The following MAU2 variants were observed in gnomAD, a reference collection of about 807,000 sequenced individuals.
MAU2 encodes MAU2 chromatid cohesion factor homolog.
In MAU2, 9 loss-of-function variants were observed where a neutral mutation model predicts 89.1. The ratio of observed to expected loss-of-function variants is 0.10; its 90% CI spans 0.06 to 0.18. The LOEUF (loss-of-function observed/expected upper bound fraction) is 0.18. Ranked by LOEUF, MAU2 falls within the 10% of genes least tolerant of loss-of-function variation. MAU2 has a pLI of 1.00. For synonymous variants in MAU2, 357 were observed against 343.4 expected (o/e 1.04, Z -0.44); for missense variants, 425 against 803.5 (o/e 0.53, Z 5.69).
chr19:19,333,077 C>CAA (rs201542665), intron 1 of MAU2, among the ~76,000 whole-genome samples: 2 of 137,010 alleles, frequency 1.5e-5, no homozygotes, highest in South Asian at 4.5e-4. Flanking sequence ...AACTCCATCT[C>CAA]AAAAAAAAAA....
chr19:19,327,986 C>G (rs567099555), intron 1 of MAU2, among the ~76,000 whole-genome samples: 2 of 152,020 alleles, frequency 1.3e-5, no homozygotes, highest in African/African-American at 4.8e-5. Flanking sequence ...GGGCACTACC[C>G]TGTCTCTACA....
chr19:19,339,806 A>G (rs961387255), intron 5 of MAU2: 5 of 149,918 alleles, frequency 3.3e-5, no homozygotes, highest in African/African-American at 9.8e-5. Context: ...GGTGGATCAC[A>G]TGAGGTCAGG....
chr19:19,351,637 G>A (rs926967617), intron 16 of MAU2, among the ~76,000 whole-genome samples: 4 of 151,464 alleles, frequency 2.6e-5, no homozygotes, highest in Admixed American at 1.3e-4. Context: ...CTGTGATCAT[G>A]TTACTGCACT....
rs747557640 is a variant in MAU2, at chr19:19,355,865, C to T, written c.*83C>T. On this transcript the variant is annotated 3_prime_UTR_variant, in exon 19 of 19. Transcript: ENST00000262815. ...ACGGCACTCAAGCCTGCCCCCGAGG[C>T]GTGCTTCCTTCCTGATTGTCTCTAG... 2.7e-5 allele frequency: 34 copies of T among 1,279,884 alleles called. No homozygotes were observed. Among genetic ancestry groups the T allele is most frequent in the Non-Finnish European group, 3.5e-5 (31 of 890,008 alleles). 79.3% of individuals were successfully genotyped at this position (1,279,884 alleles called of 1,614,324 possible).
At chr19:19,347,899 C>G (rs149616848) in intron 13 of MAU2, 1 of 152,800 alleles carries the variant, frequency 6.5e-6, no homozygotes, top group African/African-American at 2.4e-5. Context: ...CTGGGATCCC[C>G]CTCAGCCCCG....
intron 4 of MAU2, among the ~76,000 whole-genome samples, chr19:19,337,938 C>T (rs1163644522): frequency 1.3e-5 from 2 of 152,214 alleles, no homozygotes; most frequent in Admixed American, 1.3e-4. Flanking sequence ...CCACGTGGGG[C>T]ACCTCTCCTG....
At chr19:19,343,199 C>T (rs2061666654) in intron 9 of MAU2, among the ~76,000 whole-genome samples, 2 of 152,210 alleles carry the variant, frequency 1.3e-5, no homozygotes, top group African/African-American at 4.8e-5. Flanking sequence ...TCAGCCCTCA[C>T]TGACCACCAG....
intron 1 of MAU2, among the ~76,000 whole-genome samples, chr19:19,331,611 C>A (rs2061556103): frequency 6.6e-6 from 1 of 151,792 alleles, no homozygotes; most frequent in Non-Finnish European, 1.5e-5. Context: ...TGCTACAAGT[C>A]ATACAGAGGG....
intron 8 of MAU2, 27 bp downstream of exon 8, chr19:19,342,708 G>A (rs749048732): frequency 1.9e-6 from 3 of 1,612,832 alleles, no homozygotes; most frequent in Non-Finnish European, 2.5e-6. Context: ...GCCCGGGCCA[G>A]GGCTGGGGGC....
intron 4 of MAU2, 87 bp from the exon 5 acceptor site, chr19:19,338,758 G>T (rs946715035): frequency 2.1e-6 from 2 of 935,034 alleles, no homozygotes; most frequent in African/African-American, 1.6e-5. Context: ...GGGGAGGTTT[G>T]GTTGAGTTTG....
chr19:19,337,132 T>TC, intron 3 of MAU2, 38 bp from the exon 4 acceptor site: 2 of 1,519,534 alleles, frequency 1.3e-6, no homozygotes, highest in Non-Finnish European at 1.8e-6. Flanking sequence ...TTGTTTTTTT[T>TC]TTTTCTTACA....
chr19:19,329,888 C>T (rs183224425), intron 1 of MAU2, among the ~76,000 whole-genome samples: 2 of 152,082 alleles, frequency 1.3e-5, no homozygotes, highest in Admixed American at 6.5e-5. Context: ...CCTGAGAATT[C>T]AAGGTTACAG....
rs781593225 is a variant in MAU2, at chr19:19,355,668, GT to G, written c.1768-39del. ...TCCAACCTCTTCTTCCCTGGGAACG[GT>G]CCACAGTGCCTCACTCGCATGTCCT... On this transcript the variant is annotated intron_variant, in intron 18 of 18. Coordinates refer to ENST00000262815, the MANE Select transcript of MAU2 (RefSeq NM_015329.4). 3.9e-6 allele frequency: 6 copies of G among 1,549,318 alleles called. No homozygotes were observed. The South Asian group carries it at 6.8e-5, about 18-fold the overall frequency.
intron 16 of MAU2, among the ~76,000 whole-genome samples, chr19:19,350,297 G>A (rs367716878): frequency 1.5e-4 from 20 of 130,348 alleles, no homozygotes; most frequent in East Asian, 4.7e-4. Flanking sequence ...CTCTGTCTCA[G>A]AAAAAAAAAA....
At chr19:19,339,918 C>T (rs2061627467) in intron 5 of MAU2, among the ~76,000 whole-genome samples, 1 of 151,790 alleles carries the variant, frequency 6.6e-6, no homozygotes, top group Non-Finnish European at 1.5e-5. Context: ...CCTGTAATCC[C>T]AGCACTTTGG....
intron 7 of MAU2, among the ~76,000 whole-genome samples, chr19:19,342,115 A>G (rs2061653491): frequency 6.6e-6 from 1 of 152,272 alleles, no homozygotes; most frequent in Admixed American, 6.5e-5. Context: ...GGCTGCAGAG[A>G]CATCCCTCGG....
chr19:19,320,864 C>A lies in MAU2; in HGVS notation c.5C>A (p.Ala2Glu). 6.6e-7 allele frequency: 1 copy of A among 1,513,454 alleles called. No homozygotes were observed. The highest frequency in any genetic ancestry group is 8.8e-7 in the Non-Finnish European group (1 of 1,139,126). 93.8% of individuals were successfully genotyped at this position (1,513,454 alleles called of 1,614,324 possible). The change falls in exon 1 of 19, where the codon GCG becomes GAG. Residue 2 changes from alanine (A) to glutamate (E), a missense_variant. Ala to Glu is a moderately radical substitution (Grantham distance 107). Coordinates refer to ENST00000262815, the MANE Select transcript of MAU2 (RefSeq NM_015329.4). M[A>E]AQAAAAAQAA... ...CTTGTTGTTGTGGAGGCCAAAATGG[C>A]GGCTCAGGCGGCGGCAGCGGCCCAG...
chr19:19,357,575 CTATT>C lies in MAU2; in HGVS notation c.*1800_*1803del, dbSNP rs902356420. ...CGGCGTGCATCATGTTCATCCCCAT[CTATT>C]TATTTAAGCCTTTCTTTGCTTGTAG... On this transcript the variant is annotated 3_prime_UTR_variant, in exon 19 of 19. Coordinates refer to ENST00000262815, the MANE Select transcript of MAU2 (RefSeq NM_015329.4). 1.6e-4 allele frequency: 25 copies of C among 152,642 alleles called. No individual in the cohort carries two copies. Among genetic ancestry groups the C allele is most frequent in the African/African-American group, 2.9e-4 (12 of 41,428 alleles). 9.5% of individuals were successfully genotyped at this position (152,642 alleles called of 1,614,324 possible). A position where few individuals can be genotyped will look rare whatever the true frequency, so the allele number is the denominator to read the frequency against.
chr19:19,347,990 A>T (rs893113691), intron 13 of MAU2: 2 of 151,358 alleles, frequency 1.3e-5, no homozygotes, highest in African/African-American at 4.9e-5. Context: ...CAGCCCTGGG[A>T]TGCCCACTCA....
Sources: gnomAD v4.1 joint callset for allele counts (sites outside exome capture counted in the v4.1 genomes callset) on GRCh38, gnomAD v4.1.1 for gene constraint, MANE v1.5 for transcripts, NCBI Gene and HGNC (gene_info 2026-07-23, HGNC 2026-07-21) for gene names.